Variants in NR2F1-AS1 observed in about 807,000 individuals in gnomAD.
NR2F1-AS1 encodes the protein NR2F1 regulatory antisense RNA 1.
intron 1 of NR2F1-AS1, among the ~76,000 whole-genome samples, chr5:93,573,506 G>A (rs942996148): frequency 6.6e-6 from 1 of 152,172 alleles, no homozygotes; most frequent in Non-Finnish European, 1.5e-5. Context: ...GGAAGACGGA[G>A]GAAAAACGAA....
At chr5:93,568,577 C>A (rs1752668176) in intron 1 of NR2F1-AS1, among the ~76,000 whole-genome samples, 1 of 152,094 alleles carries the variant, frequency 6.6e-6, no homozygotes, top group Non-Finnish European at 1.5e-5. Flanking sequence ...GACACGAGTC[C>A]CTGAAATGGT....
At chr5:93,440,163 T>G (rs896105663) in intron 4 of NR2F1-AS1, among the ~76,000 whole-genome samples, 2 of 151,874 alleles carry the variant, frequency 1.3e-5, no homozygotes, top group African/African-American at 2.4e-5. Flanking sequence ...TCTCCCTCAA[T>G]CCTCTTTCTC....
rs1258855650 is a variant in NR2F1-AS1 at position 93,572,570 on chromosome 5, C to T, written n.313+7897G>A. 3.9e-5 allele frequency among the ~76,000 whole-genome samples: 6 copies of T among 152,218 alleles called. 1 individual carries two copies. In the East Asian group the frequency reaches 7.7e-4, roughly 20 times the overall value. The stretch of plus-strand genomic sequence containing the variant: ...TGTCAGCCCGAGCTGGGCGCCTTGG[C>T]CTCTTTCTGGTGCCCCAGCCCTGCG... On this transcript the variant is annotated intron_variant and non_coding_transcript_variant, in intron 1 of 5. Transcript: ENST00000660523.
intron 4 of NR2F1-AS1, among the ~76,000 whole-genome samples, chr5:93,530,228 A>C (rs1751707311): frequency 1.3e-5 from 2 of 151,954 alleles, no homozygotes; most frequent in African/African-American, 2.4e-5. Flanking sequence ...CTACAGGTGC[A>C]TGCCACCACA....
At chr5:93,421,561 G>A (rs193028909) in intron 4 of NR2F1-AS1, among the ~76,000 whole-genome samples, 10 of 152,214 alleles carry the variant, frequency 6.6e-5, no homozygotes, top group Non-Finnish European at 1.0e-4. Context: ...GCCCCTACTC[G>A]GGCTTTTCAG....
chr5:93,491,348 TATGGTGGTAGTGGTG>T (rs1750844637), intron 4 of NR2F1-AS1, among the ~76,000 whole-genome samples: 1 of 144,296 alleles, frequency 6.9e-6, no homozygotes, highest in Non-Finnish European at 1.5e-5. Flanking sequence ...AGGTTGTGGT[TATGGTGGTAGTGGTG>T]ATGGTGGGGG....
intron 4 of NR2F1-AS1, among the ~76,000 whole-genome samples, chr5:93,475,411 T>C (rs1036328685): frequency 2.0e-5 from 3 of 152,194 alleles, no homozygotes; most frequent in African/African-American, 4.8e-5. Context: ...CACCTGTTTG[T>C]TTGTTGCCTT....
At chr5:93,484,687 G>C (rs570618130) in intron 4 of NR2F1-AS1, among the ~76,000 whole-genome samples, 1 of 151,166 alleles carries the variant, frequency 6.6e-6, no homozygotes, top group Admixed American at 6.6e-5. Context: ...ACCCATCAAT[G>C]TGCTGTATTC....
At chr5:93,566,410 CTT>C (rs1752618733) in intron 1 of NR2F1-AS1, among the ~76,000 whole-genome samples, 1 of 151,996 alleles carries the variant, frequency 6.6e-6, no homozygotes, top group African/African-American at 2.4e-5. Context: ...AAAAGTATAA[CTT>C]GAGATCATTA....
At chr5:93,476,145 G>C (rs946212978) in intron 4 of NR2F1-AS1, among the ~76,000 whole-genome samples, 3 of 152,056 alleles carry the variant, frequency 2.0e-5, no homozygotes, top group African/African-American at 7.2e-5. Flanking sequence ...GCTTGAATAG[G>C]CCCATTTATT....
intron 4 of NR2F1-AS1, among the ~76,000 whole-genome samples, chr5:93,440,051 T>A (rs1370158296): frequency 6.6e-6 from 1 of 152,134 alleles, no homozygotes; most frequent in Non-Finnish European, 1.5e-5. Context: ...AATAATCAGA[T>A]AAGTCTTTGG....
At chr5:93,452,614 C>G (rs1271067994) in intron 4 of NR2F1-AS1, among the ~76,000 whole-genome samples, 1 of 152,162 alleles carries the variant, frequency 6.6e-6, no homozygotes, top group Non-Finnish European at 1.5e-5. Flanking sequence ...TAAAGTGAAA[C>G]TCCTCAAGGC....
intron 4 of NR2F1-AS1, among the ~76,000 whole-genome samples, chr5:93,415,309 TG>T (rs1228289259): frequency 2.0e-5 from 3 of 152,036 alleles, no homozygotes; most frequent in Non-Finnish European, 4.4e-5. Flanking sequence ...GGAGGTAGAG[TG>T]GGGGTCTCAT....
At chr5:93,446,489 T>G (rs1178601376) in intron 4 of NR2F1-AS1, among the ~76,000 whole-genome samples, 2 of 152,084 alleles carry the variant, frequency 1.3e-5, no homozygotes, top group Admixed American at 6.6e-5. Context: ...GAATCCAACT[T>G]ATAAGGGGTG....
At chr5:93,554,963 C>G (rs1752320594) in exon 3 of NR2F1-AS1, 1 of 152,158 alleles carries the variant, frequency 6.6e-6, no homozygotes, top group African/African-American at 2.4e-5. Context: ...TTGAGAACAT[C>G]TGCTGCAACC....
At chr5:93,509,632 CTT>C (rs1751255610) in intron 4 of NR2F1-AS1, among the ~76,000 whole-genome samples, 2 of 151,902 alleles carry the variant, frequency 1.3e-5, no homozygotes, top group East Asian at 1.9e-4. Context: ...TTTATGAACA[CTT>C]ATTTCTTTAC....
chr5:93,565,605 C>T (rs536702189), intron 1 of NR2F1-AS1, among the ~76,000 whole-genome samples: 29 of 151,970 alleles, frequency 1.9e-4, no homozygotes, highest in Non-Finnish European at 3.5e-4. Flanking sequence ...TATATGGATG[C>T]TTATTTTTCT....
intron 4 of NR2F1-AS1, among the ~76,000 whole-genome samples, chr5:93,544,273 G>A (rs1752024937): frequency 6.6e-6 from 1 of 152,114 alleles, no homozygotes. Context: ...CTCACAGGCA[G>A]CCAAGACAAA....
intron 4 of NR2F1-AS1, among the ~76,000 whole-genome samples, chr5:93,442,237 C>T (rs554689636): frequency 3.9e-5 from 6 of 152,244 alleles, no homozygotes; most frequent in South Asian, 4.1e-4. Flanking sequence ...TGAAGCAGGG[C>T]GGGGCATCAC....
Sources: allele counts gnomAD v4.1 joint callset (sites outside exome capture counted in the v4.1 genomes callset), GRCh38; gene constraint gnomAD v4.1.1; transcripts MANE v1.5; gene names NCBI Gene and HGNC (gene_info 2026-07-23, HGNC 2026-07-21).